RAPGEF4: variants seen among roughly 807,000 people sequenced by gnomAD.
RAPGEF4 encodes RAP guanine-nucleotide-exchange factor (GEF) 4.
Under a neutral mutation model 147.9 loss-of-function variants are expected in RAPGEF4, and 66 were observed. The observed-to-expected ratio is 0.45, with a 90% CI of 0.37 to 0.55. The LOEUF (loss-of-function observed/expected upper bound fraction) is 0.55, where lower values mean the gene tolerates loss of function less well. Ranked by LOEUF, RAPGEF4 falls within the 20% of genes least tolerant of loss-of-function variation. The pLI, the probability that RAPGEF4 is intolerant of heterozygous loss-of-function variation, is 0.00. For missense variants in RAPGEF4, 1,071 were observed against 1,257.3 expected (o/e 0.85, Z 2.24); for synonymous variants, 419 against 442.7 (o/e 0.95, Z 0.67).
intron 4 of RAPGEF4, among the ~76,000 whole-genome samples, chr2:172,915,628 G>T (rs558582179): frequency 6.8e-6 from 1 of 147,270 alleles, no homozygotes; most frequent in Admixed American, 7.0e-5. Context: ...TGCTTGAACT[G>T]GGAAGGCAGA....
At chr2:172,938,244 C>CACAG (rs1211439509) in intron 6 of RAPGEF4, among the ~76,000 whole-genome samples, 2 of 151,292 alleles carry the variant, frequency 1.3e-5, no homozygotes, top group Admixed American at 6.6e-5. Context: ...CACACACACA[C>CACAG]AGACAACCAT....
chr2:172,900,550 T>G (rs1303492250), intron 4 of RAPGEF4, among the ~76,000 whole-genome samples: 1 of 152,208 alleles, frequency 6.6e-6, no homozygotes, highest in Non-Finnish European at 1.5e-5. Context: ...ATTTTTAGTT[T>G]TGATATAATT....
intron 3 of RAPGEF4, among the ~76,000 whole-genome samples, chr2:172,805,492 A>G (rs1687402812): frequency 6.6e-6 from 1 of 152,180 alleles, no homozygotes; most frequent in South Asian, 2.1e-4. Context: ...TAATTATCAG[A>G]GGCATCTCTC....
At chr2:172,825,880 A>C (rs994285376) in intron 4 of RAPGEF4, among the ~76,000 whole-genome samples, 5 of 152,326 alleles carry the variant, frequency 3.3e-5, no homozygotes, top group African/African-American at 1.2e-4. Context: ...TGGCTGCATG[A>C]ATTGATTGAA....
chr2:172,830,157 AT>A, intron 4 of RAPGEF4, among the ~76,000 whole-genome samples: 1 of 152,296 alleles, frequency 6.6e-6, no homozygotes, highest in South Asian at 2.1e-4. Flanking sequence ...GAGAACATTT[AT>A]TCCCAGTGTA....
At chr2:172,851,385 C>T (rs958546892) in intron 4 of RAPGEF4, among the ~76,000 whole-genome samples, 4 of 152,034 alleles carry the variant, frequency 2.6e-5, no homozygotes, top group East Asian at 1.9e-4. Flanking sequence ...GTATATGCCA[C>T]GTGCAGATGA....
At chr2:172,874,864 C>T (rs1380377254) in intron 4 of RAPGEF4, among the ~76,000 whole-genome samples, 1 of 152,218 alleles carries the variant, frequency 6.6e-6, no homozygotes, top group Non-Finnish European at 1.5e-5. Flanking sequence ...GTCCCACCAA[C>T]AGTGTAAAAG....
At chr2:172,794,890 G>T in intron 1 of RAPGEF4, 135 bp from the exon 2 acceptor site, 1 of 885,260 alleles carries the variant, frequency 1.1e-6, no homozygotes, top group Non-Finnish European at 1.7e-6. Context: ...ATAAGGGGGT[G>T]GATAAATATT....
intron 10 of RAPGEF4, among the ~76,000 whole-genome samples, chr2:172,976,986 A>G (rs958305656): frequency 5.3e-5 from 8 of 152,194 alleles, no homozygotes; most frequent in African/African-American, 1.7e-4. Context: ...ATCCACATCA[A>G]TGTGGCACCA....
At chr2:172,847,652 T>A (rs148376472) in intron 4 of RAPGEF4, among the ~76,000 whole-genome samples, 1 of 152,290 alleles carries the variant, frequency 6.6e-6, no homozygotes, top group Non-Finnish European at 1.5e-5. Context: ...GAGGGCTTTA[T>A]TGGTGGCCAG....
chr2:172,900,701 A>G (rs532228746), intron 4 of RAPGEF4, among the ~76,000 whole-genome samples: 32 of 152,248 alleles, frequency 2.1e-4, no homozygotes, highest in African/African-American at 7.5e-4. Context: ...GATTTAAGAC[A>G]TTGTACTCTT....
At chr2:172,780,521 G>C (rs536921913) in intron 1 of RAPGEF4, among the ~76,000 whole-genome samples, 2 of 152,320 alleles carry the variant, frequency 1.3e-5, no homozygotes, top group Admixed American at 6.5e-5. Flanking sequence ...GAGGGAAGGA[G>C]AGACACCTTT....
chr2:173,009,949 A>G (rs529626037), intron 17 of RAPGEF4, among the ~76,000 whole-genome samples: 2 of 152,344 alleles, frequency 1.3e-5, no homozygotes, highest in South Asian at 4.1e-4. Flanking sequence ...TGTATAATCT[A>G]TGTTTGCATA....
At chr2:173,050,534 G>A (rs1421391607) in intron 30 of RAPGEF4, among the ~76,000 whole-genome samples, 1 of 152,164 alleles carries the variant, frequency 6.6e-6, no homozygotes, top group Non-Finnish European at 1.5e-5. Flanking sequence ...GCAGAAGGCA[G>A]TGTACTGTGG....
chr2:172,903,018 G>A (rs946661115), intron 4 of RAPGEF4, among the ~76,000 whole-genome samples: 11 of 152,160 alleles, frequency 7.2e-5, no homozygotes, highest in African/African-American at 2.7e-4. Flanking sequence ...AATGAAGAAA[G>A]TCACTGCAAA....
chr2:172,983,546 T>TTCATA lies in RAPGEF4; in HGVS notation c.1057_1061dup (p.Lys355IlefsTer12). On this transcript the variant is annotated frameshift_variant, in exon 11 of 31. Coordinates refer to ENST00000397081, the MANE Select transcript of RAPGEF4 (RefSeq NM_007023.4). LOFTEE classifies it high-confidence loss of function. Reference sequence around the variant, plus strand: ...CTAGAGATTATCTATGAGGAGCTTCTTCATATTAAAGCCTTATCCCATCTT... The same window carrying TTCATA: ...CTAGAGATTATCTATGAGGAGCTTCTTCATATCATATTAAAGCCTTATCCCATCTT... 2 of 1,613,808 alleles carry TTCATA rather than the reference T, an allele frequency of 1.2e-6. No individual in the cohort carries two copies. Among genetic ancestry groups the TTCATA allele is most frequent in the Non-Finnish European group, 1.7e-6 (2 of 1,179,980 alleles).
chr2:172,810,961 T>C (rs1009265665), intron 3 of RAPGEF4, among the ~76,000 whole-genome samples: 2 of 152,162 alleles, frequency 1.3e-5, no homozygotes, highest in Admixed American at 6.5e-5. Flanking sequence ...TTGGGAAATA[T>C]GATAACAGAA....
rs1688044295 is a variant in RAPGEF4, at chr2:172,811,732, A to C, written c.298-2547A>C. ...TTAGATGTTAGTGTGGATATCTAAG[A>C]GTGCTTCTTCTACATCCACTCATAT... On this transcript the variant is annotated intron_variant, in intron 3 of 30. Transcript: ENST00000397081. 2.0e-5 allele frequency among the ~76,000 whole-genome samples: 3 copies of C among 152,280 alleles called. No individual in the cohort carries two copies. In the South Asian group the frequency reaches 6.2e-4, roughly 32 times the overall value.
chr2:173,031,614 T>C (rs1434789559), intron 26 of RAPGEF4, among the ~76,000 whole-genome samples: 1 of 152,054 alleles, frequency 6.6e-6, no homozygotes. Context: ...GAACAGAGCA[T>C]GTGGGAAACA....
Sources: allele counts gnomAD v4.1 joint callset (sites outside exome capture counted in the v4.1 genomes callset), GRCh38; gene constraint gnomAD v4.1.1; transcripts MANE v1.5; gene names NCBI Gene and HGNC (gene_info 2026-07-23, HGNC 2026-07-21).